Variants in FSTL5 observed in about 807,000 individuals in gnomAD.
FSTL5 encodes follistatin like 5.
In FSTL5, 62 loss-of-function variants were observed where a neutral mutation model predicts 89.1. The ratio of observed to expected loss-of-function variants is 0.70; its 90% CI spans 0.57 to 0.86. FSTL5 has a LOEUF of 0.86. Among genes scored for constraint, FSTL5 ranks in the 40% least tolerant of loss-of-function variants. FSTL5 has a pLI of 0.00. For missense variants in FSTL5, 1,057 were observed against 1,001.6 expected, an observed-to-expected ratio of 1.06 and a Z score of -0.75; for synonymous variants, 383 against 346.2, an observed-to-expected ratio of 1.11 and a Z score of -1.18.
chr4:161,600,052 A>G (rs1734169551), intron 7 of FSTL5, among the ~76,000 whole-genome samples: 1 of 152,004 alleles, frequency 6.6e-6, no homozygotes, highest in Non-Finnish European at 1.5e-5. Context: ...TTCACAGTAC[A>G]AAATTCAAAA....
At chr4:161,533,672 T>C (rs1228716758) in intron 10 of FSTL5, among the ~76,000 whole-genome samples, 1 of 152,122 alleles carries the variant, frequency 6.6e-6, no homozygotes, top group Non-Finnish European at 1.5e-5. Flanking sequence ...CCAATCCTAC[T>C]GAAACTATTC....
chr4:161,602,815 A>C (rs936507943), intron 7 of FSTL5, among the ~76,000 whole-genome samples: 1 of 152,200 alleles, frequency 6.6e-6, no homozygotes, highest in Non-Finnish European at 1.5e-5. Flanking sequence ...ATACAGCAAA[A>C]GTACCTTTGT....
intron 1 of FSTL5, among the ~76,000 whole-genome samples, chr4:162,119,105 G>C (rs1024419881): frequency 6.6e-6 from 1 of 151,882 alleles, no homozygotes; most frequent in Non-Finnish European, 1.5e-5. Context: ...ACCTATAGTC[G>C]TAGCTACTCT....
At chr4:161,828,558 T>G (rs1730740234) in intron 4 of FSTL5, among the ~76,000 whole-genome samples, 1 of 152,156 alleles carries the variant, frequency 6.6e-6, no homozygotes, top group Non-Finnish European at 1.5e-5. Flanking sequence ...GTGTTATACT[T>G]GGGAAGAGCT....
chr4:161,388,756 C>G (rs1425477053), intron 15 of FSTL5, among the ~76,000 whole-genome samples: 1 of 152,060 alleles, frequency 6.6e-6, no homozygotes, highest in Non-Finnish European at 1.5e-5. Context: ...CATTTCAGCT[C>G]TCCTCTTAAC....
chr4:161,505,400 T>C (rs1332114816), intron 11 of FSTL5, among the ~76,000 whole-genome samples: 1 of 152,186 alleles, frequency 6.6e-6, no homozygotes, highest in Non-Finnish European at 1.5e-5. Flanking sequence ...CTAGAAAGTT[T>C]TTTAGGAGTG....
chr4:161,549,384 T>C (rs1174445285), intron 8 of FSTL5, among the ~76,000 whole-genome samples: 1 of 151,774 alleles, frequency 6.6e-6, no homozygotes, highest in East Asian at 2.0e-4. Flanking sequence ...ATATATAATA[T>C]GATATATATG....
intron 11 of FSTL5, among the ~76,000 whole-genome samples, chr4:161,505,273 C>A (rs1730437317): frequency 6.6e-6 from 1 of 152,116 alleles, no homozygotes; most frequent in South Asian, 2.1e-4. Flanking sequence ...TTCACTATAT[C>A]CTGACTTTGG....
intron 8 of FSTL5, among the ~76,000 whole-genome samples, chr4:161,584,375 C>T (rs976645393): frequency 1.3e-5 from 2 of 152,148 alleles, no homozygotes; most frequent in African/African-American, 4.8e-5. Flanking sequence ...ATCAGTCCGT[C>T]CTTCTGTGAA....
At chr4:162,022,917 A>G (rs772344987) in intron 3 of FSTL5, 1 of 152,158 alleles carries the variant, frequency 6.6e-6, no homozygotes, top group Non-Finnish European at 1.5e-5. Context: ...CAGGTAATGA[A>G]CACTCAAAAG....
intron 4 of FSTL5, among the ~76,000 whole-genome samples, chr4:161,864,542 G>A (rs1732015827): frequency 6.6e-6 from 1 of 152,090 alleles, no homozygotes; most frequent in Non-Finnish European, 1.5e-5. Context: ...GGGAAAGTTG[G>A]GAAGCTGGTG....
chr4:161,742,512 A>G (rs1341824565), intron 6 of FSTL5, among the ~76,000 whole-genome samples: 2 of 152,208 alleles, frequency 1.3e-5, no homozygotes, highest in African/African-American at 4.8e-5. Context: ...TGCTGTAGCA[A>G]CTGGGTATAA....
At chr4:161,467,176 C>T (rs1011223281) in intron 13 of FSTL5, among the ~76,000 whole-genome samples, 8 of 151,868 alleles carry the variant, frequency 5.3e-5, no homozygotes, top group Non-Finnish European at 1.0e-4. Context: ...GACTTCACTG[C>T]CTCATTTCTA....
intron 3 of FSTL5, among the ~76,000 whole-genome samples, chr4:161,921,961 A>T (rs183203577): frequency 5.6e-4 from 85 of 152,220 alleles, no homozygotes; most frequent in Non-Finnish European, 5.4e-4. Context: ...GTGAATGGAA[A>T]TGTATTTAAG....
intron 15 of FSTL5, chr4:161,386,674 A>C (rs991601607): frequency 1.8e-4 from 87 of 485,306 alleles, no homozygotes; most frequent in Non-Finnish European, 3.3e-5. Flanking sequence ...ATGCTGTAGA[A>C]AGAAAAATAA....
intron 4 of FSTL5, among the ~76,000 whole-genome samples, chr4:161,865,341 T>A (rs190044136): frequency 7.2e-4 from 109 of 152,324 alleles, no homozygotes; most frequent in Non-Finnish European, 1.5e-4. Context: ...TAAAATTAAT[T>A]GTGCAAAGAT....
intron 7 of FSTL5, among the ~76,000 whole-genome samples, chr4:161,617,117 T>C (rs1334039173): frequency 6.6e-6 from 1 of 151,796 alleles, no homozygotes; most frequent in Non-Finnish European, 1.5e-5. Context: ...AAAGAACAGA[T>C]GGATGATTCA....
chr4:161,392,997 C>A (rs1315905536), intron 15 of FSTL5, among the ~76,000 whole-genome samples: 1 of 151,964 alleles, frequency 6.6e-6, no homozygotes, highest in East Asian at 1.9e-4. Flanking sequence ...AAACCTGTCT[C>A]TATTAAATAT....
At chr4:161,553,850 A>T (rs72685756) in intron 8 of FSTL5, among the ~76,000 whole-genome samples, 11,620 of 151,614 alleles carry the variant, frequency 0.077, 551 homozygotes, top group Middle Eastern at 0.17. Context: ...CATCTCAAAT[A>T]TATGTAACTT....
Sources: allele counts gnomAD v4.1 joint callset (sites outside exome capture counted in the v4.1 genomes callset), GRCh38; gene constraint gnomAD v4.1.1; transcripts MANE v1.5; gene names NCBI Gene and HGNC (gene_info 2026-07-23, HGNC 2026-07-21).